The following SLC22A23 variants were observed in gnomAD, a reference collection of about 807,000 sequenced individuals.
The protein encoded by SLC22A23 is solute carrier family 22 member 23.
SLC22A23 carries 26 observed loss-of-function variants against 61.0 expected under a neutral mutation model. The ratio of observed to expected loss-of-function variants is 0.43; its 90% CI spans 0.31 to 0.59. SLC22A23 has a LOEUF of 0.59. SLC22A23 is among the 20% of genes least tolerant of loss of function. SLC22A23 has a pLI of 0.11. For synonymous variants in SLC22A23, 430 were observed against 413.9 expected, an observed-to-expected ratio of 1.04 and a Z score of -0.47; for missense variants, 796 against 934.7, an observed-to-expected ratio of 0.85 and a Z score of 1.94.
rs1300621510 is a variant in SLC22A23, at chr6:3,454,530, T to C, written c.654+1376A>G. Among the ~76,000 whole-genome samples the C allele has an allele frequency of 6.6e-6, 1 of 152,218 alleles. No homozygotes were observed. The highest frequency in any genetic ancestry group is 6.5e-5 in the Admixed American group (1 of 15,284). ...TCAGTCTGTCAGACATACACAGTGATTTAAATAGTCATTGTTCTTAATTTT... is the reference window on the plus strand; with the variant it reads ...TCAGTCTGTCAGACATACACAGTGACTTAAATAGTCATTGTTCTTAATTTT... On this transcript the variant is annotated intron_variant, in intron 1 of 9. Coordinates refer to ENST00000406686, the MANE Select transcript of SLC22A23 (RefSeq NM_015482.2). This position sits in a 1 kb window ranked among gnomAD's most constrained non-coding sequence, Gnocchi z 4.3.
chr6:3,295,592 A>G (rs1761019343), intron 5 of SLC22A23, among the ~76,000 whole-genome samples: 1 of 152,224 alleles, frequency 6.6e-6, no homozygotes, highest in Non-Finnish European at 1.5e-5. Context: ...AGAGGGTGAC[A>G]GACACGAGGC....
chr6:3,395,254 T>C (rs1767929949), intron 3 of SLC22A23, among the ~76,000 whole-genome samples: 1 of 152,188 alleles, frequency 6.6e-6, no homozygotes, highest in African/African-American at 2.4e-5. Context: ...TTCATCTGGA[T>C]TTATACGCAC....
At chr6:3,278,605 G>A (rs896069723) in intron 9 of SLC22A23, among the ~76,000 whole-genome samples, 1 of 152,166 alleles carries the variant, frequency 6.6e-6, no homozygotes, top group Admixed American at 6.5e-5. Context: ...CGGATCACAC[G>A]GGCTTCCTGG....
rs965694294 is a variant in SLC22A23, at chr6:3,328,399, C to T, written c.914-4397G>A. 1.3e-5 allele frequency among the ~76,000 whole-genome samples: 2 copies of T among 152,120 alleles called. No homozygotes were observed. Among genetic ancestry groups the T allele is most frequent in the Non-Finnish European group, 2.9e-5 (2 of 68,036 alleles). On this transcript the variant is annotated intron_variant, in intron 3 of 9. Coordinates refer to ENST00000406686, the MANE Select transcript of SLC22A23 (RefSeq NM_015482.2). The surrounding 1 kb of genome is among the most constrained non-coding windows in gnomAD (Gnocchi z 5.0). ...TTACAAATTTTCAGGAGGAAAAGCACATTGCGCTTCCCAGGGTAGACACTT... is the reference window on the plus strand; with the variant it reads ...TTACAAATTTTCAGGAGGAAAAGCATATTGCGCTTCCCAGGGTAGACACTT...
rs1762239855 is a variant in SLC22A23 at position 3,309,722 on chromosome 6, C to G, written c.1083-11504G>C. On this transcript the variant is annotated intron_variant, in intron 4 of 9. Coordinates refer to ENST00000406686, the MANE Select transcript of SLC22A23 (RefSeq NM_015482.2). This position sits in a 1 kb window ranked among gnomAD's most constrained non-coding sequence, Gnocchi z 4.7. ...TGCTTCTGAAGGGTTACACCACGGT[C>G]ACACAGAAGTACCTGCTGCCACAGG... Among the ~76,000 whole-genome samples the G allele has an allele frequency of 6.6e-6, 1 of 152,248 alleles. No homozygotes were observed. The highest frequency in any genetic ancestry group is 6.5e-5 in the Admixed American group (1 of 15,292).
chr6:3,448,343 C>T (rs1022006310), intron 1 of SLC22A23, among the ~76,000 whole-genome samples: 9 of 152,146 alleles, frequency 5.9e-5, no homozygotes, highest in African/African-American at 1.7e-4. Context: ...TGGTGAATTT[C>T]AAGCTGCCAG....
In SLC22A23 at chr6:3,285,014, C is replaced by T. The variant is rs375451105; in HGVS notation, c.1579+65G>A. On this transcript the variant is annotated intron_variant, in intron 8 of 9. Coordinates refer to ENST00000406686, the MANE Select transcript of SLC22A23 (RefSeq NM_015482.2). ...TGGAAACCACAGGTCCGTGAGTCTT[C>T]GAGAAAACACCCATTTAGATGTAAT... The T allele has an allele frequency of 7.5e-6, 12 of 1,589,694 alleles. No homozygotes were observed. The East Asian group carries it at 1.4e-4, about 18-fold the overall frequency.
intron 3 of SLC22A23, among the ~76,000 whole-genome samples, chr6:3,363,098 C>T (rs946397232): frequency 1.1e-4 from 17 of 152,300 alleles, no homozygotes; most frequent in African/African-American, 3.1e-4. Flanking sequence ...ATGGGCTCTC[C>T]GCTCAGCTGG....
At chr6:3,440,976 G>A (rs1038158421) in intron 1 of SLC22A23, among the ~76,000 whole-genome samples, 5 of 152,214 alleles carry the variant, frequency 3.3e-5, no homozygotes, top group Admixed American at 1.3e-4. Flanking sequence ...TGTGGGGTCC[G>A]GCATCAGGCA....
rs147109272 is a variant in SLC22A23, at chr6:3,317,205, T to C, written c.1082+6629A>G. On this transcript the variant is annotated intron_variant, in intron 4 of 9. Coordinates refer to ENST00000406686, the MANE Select transcript of SLC22A23 (RefSeq NM_015482.2). This position sits in a 1 kb window ranked among gnomAD's most constrained non-coding sequence, Gnocchi z 4.4. ...CTTCCTGATCTTCCATGCTGCGGTT[T>C]TCTAGGATGTTCTAACGTAACGTAG... is the stretch of plus-strand genomic sequence containing the variant. Among the ~76,000 whole-genome samples the C allele has an allele frequency of 8.7e-4, 133 of 152,304 alleles. 1 individual carries two copies. The highest frequency in any genetic ancestry group is 3.0e-3 in the African/African-American group (123 of 41,560).
rs113924733 is a variant in SLC22A23, at chr6:3,284,359, C to T, written c.1580-384G>A. Among the ~76,000 whole-genome samples, 100 of 152,322 alleles carry T rather than the reference C, an allele frequency of 6.6e-4. 1 individual carries two copies. The highest frequency in any genetic ancestry group is 2.4e-3 in the African/African-American group (98 of 41,574). On this transcript the variant is annotated intron_variant, in intron 8 of 9. Transcript: ENST00000406686. Reference sequence around the variant, plus strand: ...GTGCCCAACGTGTGGGACAGGGTAGCTGAGTCAGGGTTGATTTAAGGAAAC... The same window carrying T: ...GTGCCCAACGTGTGGGACAGGGTAGTTGAGTCAGGGTTGATTTAAGGAAAC...
intron 1 of SLC22A23, among the ~76,000 whole-genome samples, chr6:3,418,394 G>A (rs550749943): frequency 2.4e-4 from 37 of 152,366 alleles, no homozygotes; most frequent in African/African-American, 8.7e-4. Flanking sequence ...GGGGACTGGA[G>A]GAAATTGCCA....
chr6:3,373,412 T>A (rs1161942728), intron 3 of SLC22A23, among the ~76,000 whole-genome samples: 1 of 152,244 alleles, frequency 6.6e-6, no homozygotes, highest in African/African-American at 2.4e-5. Context: ...TAGCCACATG[T>A]ACAACTATAT....
chr6:3,376,390 C>T (rs1362563649), intron 3 of SLC22A23, among the ~76,000 whole-genome samples: 1 of 152,178 alleles, frequency 6.6e-6, no homozygotes, highest in African/African-American at 2.4e-5. Context: ...GTTATAGTCC[C>T]TACCGCCCCT....
At chr6:3,285,526 C>T (rs1561865970) in intron 7 of SLC22A23, among the ~76,000 whole-genome samples, 1 of 151,770 alleles carries the variant, frequency 6.6e-6, no homozygotes. Flanking sequence ...CCTGGGGCTC[C>T]TGTGCATTCC....
chr6:3,446,949 C>T (rs1771925071), intron 1 of SLC22A23, among the ~76,000 whole-genome samples: 1 of 152,174 alleles, frequency 6.6e-6, no homozygotes, highest in African/African-American at 2.4e-5. Flanking sequence ...TCAGCATCTT[C>T]TACAGGCCTC....
chr6:3,295,494 G>C lies in SLC22A23; in HGVS notation c.1210+2597C>G, dbSNP rs143227542. Among the ~76,000 whole-genome samples, 34 of 152,334 alleles carry C rather than the reference G, an allele frequency of 2.2e-4. No individual in the cohort carries two copies. In the East Asian group the frequency reaches 6.2e-3, roughly 28 times the overall value. On this transcript the variant is annotated intron_variant, in intron 5 of 9. Transcript: ENST00000406686. ...CTGGGAGGCACTGGAGAGGCTTGAA[G>C]CCGGTGGTGATGTGATCAGATCATG...
intron 3 of SLC22A23, among the ~76,000 whole-genome samples, chr6:3,357,889 T>C (rs1765211156): frequency 1.3e-5 from 2 of 152,182 alleles, no homozygotes; most frequent in Admixed American, 6.5e-5. Flanking sequence ...GGACGAGGCC[T>C]GGGGAAGACT....
At chr6:3,354,042 C>A (rs1291622538) in intron 3 of SLC22A23, among the ~76,000 whole-genome samples, 1 of 152,198 alleles carries the variant, frequency 6.6e-6, no homozygotes, top group Non-Finnish European at 1.5e-5. Context: ...GGTAGCTAAG[C>A]CACTTATCTG....
Sources: allele counts gnomAD v4.1 joint callset (sites outside exome capture counted in the v4.1 genomes callset), GRCh38; gene constraint gnomAD v4.1.1; non-coding constraint Gnocchi (gnomAD v3.1); transcripts MANE v1.5; gene names NCBI Gene and HGNC (gene_info 2026-07-23, HGNC 2026-07-21).